DMD: variants seen among roughly 807,000 people sequenced by gnomAD.
DMD encodes mutant dystrophin.
DMD carries 63 observed loss-of-function variants against 330.1 expected under a neutral mutation model. The observed-to-expected ratio is 0.19, with a 90% CI of 0.16 to 0.24. The LOEUF is 0.24. Among genes scored for constraint, DMD ranks in the 10% least tolerant of loss-of-function variants. The probability of loss-of-function intolerance (pLI) is 1.00; values close to 1 mark genes in which losing one functional copy is unlikely to be tolerated. For synonymous variants in DMD, 1,223 were observed against 959.8 expected (o/e 1.27, Z -5.07); for missense variants, 3,344 against 2,684.1 (o/e 1.25, Z -5.43).
intron 37 of DMD, among the ~76,000 whole-genome samples, chrX:32,360,629 A>C (rs907940978): frequency 4.6e-5 from 5 of 109,204 alleles, no homozygotes; most frequent in African/African-American, 1.7e-4. Flanking sequence ...CTCTGCCAAA[A>C]TACAAAAATT....
chrX:31,361,766 CCAT>C (rs2058948038), intron 60 of DMD, among the ~76,000 whole-genome samples: 1 of 108,157 alleles, frequency 9.2e-6, no homozygotes, highest in African/African-American at 3.4e-5. Context: ...CATTCTCTTA[CCAT>C]CTTTTTTTTT....
chrX:32,472,076 CTT>C lies in DMD; in HGVS notation c.2949+86_2949+87del, dbSNP rs763940317. 3.7e-6 allele frequency: 4 copies of C among 1,090,499 alleles called. No homozygotes were observed. In the African/African-American group the frequency reaches 7.3e-5, roughly 20 times the overall value. 89.9% of individuals were successfully genotyped at this position (1,090,499 alleles called of 1,213,427 possible). On this transcript the variant is annotated intron_variant, in intron 22 of 78. Coordinates refer to ENST00000357033, the MANE Select transcript of DMD (RefSeq NM_004006.3). ...CAAACTACCATACTTGTCAGAATGACTTAAATTCTAATATTATTTAAAGGTTA... is the reference window on the plus strand; with the variant it reads ...CAAACTACCATACTTGTCAGAATGACAAATTCTAATATTATTTAAAGGTTA...
intron 48 of DMD, among the ~76,000 whole-genome samples, chrX:31,846,434 TACACACAC>T (rs67231830): frequency 0.016 from 1,569 of 95,469 alleles, 17 homozygotes; most frequent in East Asian, 0.076. Flanking sequence ...AATCAAGAAA[TACACACAC>T]ACACACACAC....
chrX:31,772,594 G>A (rs952157331), intron 51 of DMD, among the ~76,000 whole-genome samples: 17 of 110,855 alleles, frequency 1.5e-4, no homozygotes, highest in African/African-American at 4.9e-4. Flanking sequence ...AGTTATTACC[G>A]CAGCAATAGT....
chrX:31,371,559 G>C (rs915722650), intron 60 of DMD, among the ~76,000 whole-genome samples: 1 of 111,001 alleles, frequency 9.0e-6, no homozygotes, highest in Admixed American at 9.6e-5. Context: ...TCCGGTGAAA[G>C]GCTCGTTTCT....
At chrX:31,716,422 G>A (rs1397216386) in intron 52 of DMD, among the ~76,000 whole-genome samples, 1 of 111,043 alleles carries the variant, frequency 9.0e-6, no homozygotes, top group Non-Finnish European at 1.9e-5. Context: ...ATGGTGGCAC[G>A]TGTCTGTAAT....
intron 21 of DMD, among the ~76,000 whole-genome samples, chrX:32,482,030 T>A (rs755451774): frequency 8.9e-6 from 1 of 112,088 alleles, no homozygotes; most frequent in Non-Finnish European, 1.9e-5. Context: ...ATAATGTCAC[T>A]TTCTCCATTT....
intron 2 of DMD, among the ~76,000 whole-genome samples, chrX:32,851,768 A>G (rs2081156334): frequency 8.9e-6 from 1 of 112,021 alleles, no homozygotes; most frequent in South Asian, 3.7e-4. Flanking sequence ...CAGGATTGTG[A>G]AACGTTGCAT....
chrX:32,571,187 T>A (rs1198238250), intron 15 of DMD, among the ~76,000 whole-genome samples: 1 of 111,926 alleles, frequency 8.9e-6, no homozygotes, highest in Non-Finnish European at 1.9e-5. Context: ...TCGCTCCTAA[T>A]CAGAGGGCAT....
chrX:31,680,887 T>C (rs1225960501), intron 52 of DMD, among the ~76,000 whole-genome samples: 2 of 112,074 alleles, frequency 1.8e-5, no homozygotes, highest in Admixed American at 9.5e-5. Context: ...GAAATAAAAA[T>C]AATACAGAAA....
At chrX:31,139,740 C>T (rs1211934159) in intron 76 of DMD, among the ~76,000 whole-genome samples, 3 of 110,872 alleles carry the variant, frequency 2.7e-5, no homozygotes, top group Non-Finnish European at 3.8e-5. Flanking sequence ...TAAAAGACTA[C>T]ACGTTGGGTA....
At chrX:31,589,229 C>T in intron 55 of DMD, among the ~76,000 whole-genome samples, 1 of 111,160 alleles carries the variant, frequency 9.0e-6, no homozygotes, top group East Asian at 2.8e-4. Context: ...CAGTATGTTG[C>T]CTGGCTTAGA....
intron 1 of DMD, among the ~76,000 whole-genome samples, chrX:33,284,300 G>C (rs1282865259): frequency 1.8e-5 from 2 of 110,690 alleles, no homozygotes; most frequent in Non-Finnish European, 3.8e-5. Flanking sequence ...AGCACATTTG[G>C]TTTGAATATA....
At chrX:32,638,662 A>G (rs1342264819) in intron 11 of DMD, among the ~76,000 whole-genome samples, 1 of 112,227 alleles carries the variant, frequency 8.9e-6, no homozygotes, top group East Asian at 2.8e-4. Flanking sequence ...TAAAATCACA[A>G]TTAGGAGTTT....
At chrX:31,981,068 G>T (rs2095472864) in intron 44 of DMD, among the ~76,000 whole-genome samples, 1 of 111,434 alleles carries the variant, frequency 9.0e-6, no homozygotes, top group African/African-American at 3.3e-5. Flanking sequence ...ATTTAAAAGA[G>T]TTCAGAAGAC....
intron 7 of DMD, among the ~76,000 whole-genome samples, chrX:32,803,378 C>T (rs143407595): frequency 0.075 from 8,178 of 108,733 alleles, 336 homozygotes; most frequent in East Asian, 0.22. Context: ...TTTAGTCTGG[C>T]TAGCCATCTA....
At chrX:31,953,285 T>C (rs2095207434) in intron 45 of DMD, among the ~76,000 whole-genome samples, 1 of 112,139 alleles carries the variant, frequency 8.9e-6, no homozygotes, top group East Asian at 2.8e-4. Flanking sequence ...CCTTTTTGTT[T>C]GCCGCCTAGG....
At chrX:31,604,008 T>C (rs2077492637) in intron 55 of DMD, among the ~76,000 whole-genome samples, 1 of 112,429 alleles carries the variant, frequency 8.9e-6, no homozygotes, top group South Asian at 3.6e-4. Flanking sequence ...GTACGGACTG[T>C]GCTAAAGGGT....
intron 26 of DMD, among the ~76,000 whole-genome samples, chrX:32,453,013 C>G (rs2098340509): frequency 9.0e-6 from 1 of 110,942 alleles, no homozygotes; most frequent in African/African-American, 3.3e-5. Context: ...TCAGTTCTCT[C>G]ATATTACATA....
Sources: allele counts gnomAD v4.1 joint callset (sites outside exome capture counted in the v4.1 genomes callset), GRCh38; gene constraint gnomAD v4.1.1; transcripts MANE v1.5; gene names NCBI Gene and HGNC (gene_info 2026-07-23, HGNC 2026-07-21).